Variants in ACER2 observed in about 807,000 individuals in gnomAD.
ACER2 encodes alkaline ceramidase 2, also known as alkCDase 2.
In ACER2, 26 loss-of-function variants were observed where a neutral mutation model predicts 34.7. The ratio of observed to expected loss-of-function variants is 0.75; its 90% confidence interval spans 0.55 to 1.04. The LOEUF (loss-of-function observed/expected upper bound fraction) is 1.04, where lower values mean the gene tolerates loss of function less well. ACER2 is among the 50% of genes least tolerant of loss of function. The pLI, the probability that ACER2 is intolerant of heterozygous loss-of-function variation, is 0.00. For missense variants in ACER2, 352 were observed against 340.8 expected (o/e 1.03, Z -0.26); for synonymous variants, 138 against 132.1 (o/e 1.04, Z -0.31).
intron 4 of ACER2, among the ~76,000 whole-genome samples, chr9:19,438,944 C>G (rs1000564398): frequency 6.6e-6 from 1 of 152,046 alleles, no homozygotes; most frequent in African/African-American, 2.4e-5. Flanking sequence ...AGCCACTGCA[C>G]CCAGCTGAGA....
Position 19,446,394 on chromosome 9 carries a change from A to G in ACER2, c.617A>G (p.Asn206Ser), listed in dbSNP as rs762398451. 8.1e-6 allele frequency: 13 copies of G among 1,613,946 alleles called. No individual in the cohort carries two copies. In the South Asian group the frequency reaches 8.8e-5, roughly 11 times the overall value. ...RAFCELLSSF[N>S]FPYLHCMWHI... Reference sequence around the variant, plus strand: ...TTCTGCGAGCTGCTGTCATCCTTCAACTTCCCCTACCTGCACTGCATGTGG... The same window carrying G: ...TTCTGCGAGCTGCTGTCATCCTTCAGCTTCCCCTACCTGCACTGCATGTGG... The change falls in exon 5 of 6, where the codon AAC becomes AGC. Residue 206 changes from asparagine to serine, a missense_variant. Asn to Ser is a conservative substitution (Grantham distance 46). Transcript: ENST00000340967.
Position 19,450,690 on chromosome 9 carries a change from C to T in ACER2, c.*54C>T, listed in dbSNP as rs1405214610. ...TATCGCCCCTCATGCAGTGGGCTTC[C>T]TTTGCTAGGAAGACAGCCAAGGGAG... On this transcript the variant is annotated 3_prime_UTR_variant, in exon 6 of 6. Coordinates refer to ENST00000340967, the MANE Select transcript of ACER2 (RefSeq NM_001010887.3). 6.8e-6 allele frequency: 10 copies of T among 1,463,890 alleles called. No individual in the cohort carries two copies. The highest frequency in any genetic ancestry group is 4.2e-5 in the African/African-American group (3 of 72,128). 90.7% of individuals were successfully genotyped at this position (1,463,890 alleles called of 1,614,324 possible).
At chr9:19,426,821 A>G (rs1830585055) in intron 3 of ACER2, among the ~76,000 whole-genome samples, 2 of 152,094 alleles carry the variant, frequency 1.3e-5, no homozygotes. Flanking sequence ...CAGCCACTCA[A>G]AAAGCTGAGG....
Position 19,451,174 on chromosome 9 carries a change from A to G in ACER2, c.*538A>G, listed in dbSNP as rs1303920002. 6.6e-6 allele frequency: 1 copy of G among 152,390 alleles called. No homozygotes were observed. The highest frequency in any genetic ancestry group is 1.5e-5 in the Non-Finnish European group (1 of 68,194). 9.4% of individuals were successfully genotyped at this position (152,390 alleles called of 1,614,324 possible). Reference sequence around the variant, plus strand: ...AGTCCCTTGGGGGATCCAGCCCTGTACAATGCATCTCTTCCTGGAGAAAGC... The same window carrying G: ...AGTCCCTTGGGGGATCCAGCCCTGTGCAATGCATCTCTTCCTGGAGAAAGC... On this transcript the variant is annotated 3_prime_UTR_variant, in exon 6 of 6. Coordinates refer to ENST00000340967, the MANE Select transcript of ACER2 (RefSeq NM_001010887.3).
intron 5 of ACER2, chr9:19,446,626 C>G: frequency 1.0e-6 from 1 of 985,398 alleles, no homozygotes; most frequent in East Asian, 1.1e-4. Flanking sequence ...TTAGCCGGAA[C>G]GAAAGGCCTG....
intron 1 of ACER2, among the ~76,000 whole-genome samples, chr9:19,421,801 T>C (rs1025980391): frequency 6.6e-6 from 1 of 152,108 alleles, no homozygotes; most frequent in Admixed American, 6.5e-5. Flanking sequence ...TTTGAGTCTG[T>C]GAAACAAACA....
intron 3 of ACER2, among the ~76,000 whole-genome samples, chr9:19,434,169 A>G (rs553096570): frequency 1.4e-5 from 2 of 144,912 alleles, no homozygotes; most frequent in Non-Finnish European, 3.0e-5. Flanking sequence ...CACATCCCAG[A>G]TGATGGGCGG....
At chr9:19,443,817 C>T (rs750050011) in intron 4 of ACER2, among the ~76,000 whole-genome samples, 9 of 152,244 alleles carry the variant, frequency 5.9e-5, no homozygotes, top group Admixed American at 1.3e-4. Flanking sequence ...CCACCACCCC[C>T]GGCTAATTTT....
chr9:19,428,585 C>A (rs992675248), intron 3 of ACER2, among the ~76,000 whole-genome samples: 2 of 150,684 alleles, frequency 1.3e-5, no homozygotes, highest in South Asian at 2.1e-4. Flanking sequence ...CTTTGAATAA[C>A]AATTAACCTA....
rs181094816 is a variant in ACER2, at chr9:19,415,270, C to T, written c.108+6078C>T. ...CTTTGGGAGGCTGAGGTGGGCTGATCACTTGAGGTCAGGAGTTCAAGACCA... is the reference window on the plus strand; with the variant it reads ...CTTTGGGAGGCTGAGGTGGGCTGATTACTTGAGGTCAGGAGTTCAAGACCA... On this transcript the variant is annotated intron_variant, in intron 1 of 5. Transcript: ENST00000340967. Among the ~76,000 whole-genome samples the T allele has an allele frequency of 4.6e-5, 7 of 152,230 alleles. 1 individual carries two copies. Among genetic ancestry groups the T allele is most frequent in the Admixed American group, 4.6e-4 (7 of 15,298 alleles).
intron 3 of ACER2, among the ~76,000 whole-genome samples, chr9:19,430,034 A>G (rs1830701222): frequency 6.6e-6 from 1 of 152,154 alleles, no homozygotes; most frequent in African/African-American, 2.4e-5. Flanking sequence ...TTTATCATCT[A>G]TAAATTTCAT....
At chr9:19,431,417 T>C (rs1830749665) in intron 3 of ACER2, among the ~76,000 whole-genome samples, 1 of 152,208 alleles carries the variant, frequency 6.6e-6, no homozygotes. Context: ...TGCGTAATTC[T>C]TAAACCGCTG....
chr9:19,447,617 A>G (rs1203705608), intron 5 of ACER2, among the ~76,000 whole-genome samples: 1 of 152,214 alleles, frequency 6.6e-6, no homozygotes, highest in African/African-American at 2.4e-5. Context: ...ATTTTGAGAA[A>G]TGTATACACT....
At chr9:19,424,957 T>C in intron 3 of ACER2, 116 bp downstream of exon 3, 5 of 1,296,322 alleles carry the variant, frequency 3.9e-6, no homozygotes, top group Non-Finnish European at 5.3e-6. Context: ...GAGCTTATCA[T>C]ATACTTGTTC....
intron 4 of ACER2, among the ~76,000 whole-genome samples, chr9:19,442,847 T>A (rs1563890361): frequency 1.3e-5 from 2 of 151,992 alleles, no homozygotes; most frequent in Non-Finnish European, 1.5e-5. Context: ...CTTTTTTTTT[T>A]TTTGAGATGG....
At chr9:19,420,246 A>C (rs1380222701) in intron 1 of ACER2, among the ~76,000 whole-genome samples, 1 of 152,224 alleles carries the variant, frequency 6.6e-6, no homozygotes, top group Non-Finnish European at 1.5e-5. Flanking sequence ...TTTCTTCTGA[A>C]AGCCCTGTGC....
rs7855778 is a variant in ACER2 at position 19,450,814 on chromosome 9, A to T, written c.*178A>T. 2,760 of 496,480 alleles carry T rather than the reference A, an allele frequency of 5.6e-3. 64 individuals carry two copies. The highest frequency in any genetic ancestry group is 0.047 in the African/African-American group (2,450 of 51,606). 30.8% of individuals were successfully genotyped at this position (496,480 alleles called of 1,614,324 possible). A position where few individuals can be genotyped will look rare whatever the true frequency, so the allele number is the denominator to read the frequency against. Reference sequence around the variant, plus strand: ...TGTATGTAGGGATTTAAACTTTGTCATATGGTACAAATATTCCCTGCCCCC... The same window carrying T: ...TGTATGTAGGGATTTAAACTTTGTCTTATGGTACAAATATTCCCTGCCCCC... On this transcript the variant is annotated 3_prime_UTR_variant, in exon 6 of 6. Transcript: ENST00000340967.
At chr9:19,417,035 G>T (rs775340691) in intron 1 of ACER2, among the ~76,000 whole-genome samples, 1 of 152,024 alleles carries the variant, frequency 6.6e-6, no homozygotes, top group Non-Finnish European at 1.5e-5. Flanking sequence ...AAAGTCTCAG[G>T]ATACAAAATC....
At chr9:19,409,486 A>T (rs1830020532) in intron 1 of ACER2, among the ~76,000 whole-genome samples, 1 of 152,094 alleles carries the variant, frequency 6.6e-6, no homozygotes, top group Non-Finnish European at 1.5e-5. Flanking sequence ...GGTCTGTGTC[A>T]GCCCATTCTC....
Sources: gnomAD v4.1 joint callset for allele counts (sites outside exome capture counted in the v4.1 genomes callset) on GRCh38, gnomAD v4.1.1 for gene constraint, MANE v1.5 for transcripts, NCBI Gene and HGNC (gene_info 2026-07-23, HGNC 2026-07-21) for gene names.